RABGAP1L: variants seen among roughly 807,000 people sequenced by gnomAD.
RABGAP1L encodes RAB GTPase activating protein 1 like.
In RABGAP1L, 63 loss-of-function variants were observed where a neutral mutation model predicts 137.7. The ratio of observed to expected loss-of-function variants is 0.46; its 90% CI spans 0.37 to 0.56. The LOEUF is 0.56. Among genes scored for constraint, RABGAP1L ranks in the 20% least tolerant of loss-of-function variants. RABGAP1L has a pLI of 0.00. For missense variants in RABGAP1L, 1,095 were observed against 1,244.0 expected (o/e 0.88, Z 1.80); for synonymous variants, 431 against 433.7 (o/e 0.99, Z 0.08).
chr1:174,825,178 A>G (rs1033776299), intron 19 of RABGAP1L, among the ~76,000 whole-genome samples: 1 of 152,196 alleles, frequency 6.6e-6, no homozygotes, highest in African/African-American at 2.4e-5. Flanking sequence ...AGTCTCTTTT[A>G]AATACTCATT....
intron 20 of RABGAP1L, 174 bp downstream of exon 20, chr1:174,957,723 CTTTTTTTT>C (rs34143059): frequency 1.9e-3 from 976 of 505,816 alleles, no homozygotes; most frequent in Non-Finnish European, 1.5e-3. Flanking sequence ...AGCAAAGTAC[CTTTTTTTT>C]TTTTTTTTTT....
intron 13 of RABGAP1L, among the ~76,000 whole-genome samples, chr1:174,473,910 A>G (rs1362549668): frequency 6.6e-6 from 1 of 152,220 alleles, no homozygotes; most frequent in Non-Finnish European, 1.5e-5. Context: ...ATTAATCTAT[A>G]TCAGTTAGTT....
At chr1:174,294,398 A>T (rs556038731) in intron 10 of RABGAP1L, among the ~76,000 whole-genome samples, 1 of 152,224 alleles carries the variant, frequency 6.6e-6, no homozygotes, top group African/African-American at 2.4e-5. Context: ...GGTTAACTTC[A>T]TAAATCTCTG....
chr1:174,829,087 G>T (rs1409020766), intron 19 of RABGAP1L, among the ~76,000 whole-genome samples: 4 of 147,618 alleles, frequency 2.7e-5, no homozygotes, highest in Non-Finnish European at 4.5e-5. Flanking sequence ...TTCTCTCATT[G>T]TGAGGTCCTC....
intron 13 of RABGAP1L, among the ~76,000 whole-genome samples, chr1:174,404,337 TC>T (rs1649006580): frequency 6.6e-6 from 1 of 152,160 alleles, no homozygotes; most frequent in Admixed American, 6.5e-5. Flanking sequence ...ATGTAGTTTT[TC>T]AGCTTCCATT....
intron 19 of RABGAP1L, among the ~76,000 whole-genome samples, chr1:174,896,741 G>A (rs927167749): frequency 1.6e-4 from 25 of 152,276 alleles, no homozygotes; most frequent in Non-Finnish European, 2.9e-4. Flanking sequence ...TCAAAGATCA[G>A]ATGGTTGTAG....
At chr1:174,483,021 A>C (rs938282684) in intron 13 of RABGAP1L, among the ~76,000 whole-genome samples, 2 of 152,180 alleles carry the variant, frequency 1.3e-5, no homozygotes, top group Non-Finnish European at 2.9e-5. Context: ...TGGTAGGTCT[A>C]TATTTATGGA....
chr1:174,711,392 C>T (rs994886343), intron 17 of RABGAP1L, among the ~76,000 whole-genome samples: 2 of 152,046 alleles, frequency 1.3e-5, no homozygotes, highest in Admixed American at 6.5e-5. Context: ...TGTCACCTCT[C>T]AGAGGGAGAG....
chr1:174,701,273 T>C, intron 16 of RABGAP1L: 1 of 1,165,712 alleles, frequency 8.6e-7, no homozygotes, highest in Non-Finnish European at 1.1e-6. Context: ...TTTTATATAT[T>C]ATACCTTTGC....
chr1:174,635,786 A>T (rs2148335114), intron 13 of RABGAP1L, among the ~76,000 whole-genome samples: 1 of 152,264 alleles, frequency 6.6e-6, no homozygotes, highest in South Asian at 2.1e-4. Flanking sequence ...AGATCTAATT[A>T]CCACCCAGCA....
At chr1:174,310,940 A>C (rs1241541395) in intron 11 of RABGAP1L, among the ~76,000 whole-genome samples, 1 of 152,144 alleles carries the variant, frequency 6.6e-6, no homozygotes, top group African/African-American at 2.4e-5. Flanking sequence ...AAATTGTACA[A>C]TTAAGTTATT....
At chr1:174,487,197 C>G (rs1010187795) in intron 13 of RABGAP1L, among the ~76,000 whole-genome samples, 2 of 152,058 alleles carry the variant, frequency 1.3e-5, no homozygotes, top group African/African-American at 4.8e-5. Flanking sequence ...TCTGGAAGAT[C>G]TGTGTAATGC....
intron 13 of RABGAP1L, among the ~76,000 whole-genome samples, chr1:174,608,045 C>T (rs1449429741): frequency 6.6e-6 from 1 of 152,110 alleles, no homozygotes; most frequent in African/African-American, 2.4e-5. Context: ...AACATTCTGC[C>T]TTACAATGGA....
At chr1:174,791,107 C>T (rs963145933) in intron 18 of RABGAP1L, among the ~76,000 whole-genome samples, 1 of 151,334 alleles carries the variant, frequency 6.6e-6, no homozygotes, top group Non-Finnish European at 1.5e-5. Flanking sequence ...AGGAGAATTG[C>T]TTGAACCCAG....
intron 13 of RABGAP1L, among the ~76,000 whole-genome samples, chr1:174,442,436 T>TAGA (rs1434230616): frequency 2.6e-5 from 4 of 152,160 alleles, no homozygotes; most frequent in African/African-American, 9.6e-5. Flanking sequence ...TAATGAGAAA[T>TAGA]ACACTTTCTG....
At chr1:174,860,736 TTATAG>T (rs1450880758) in intron 19 of RABGAP1L, among the ~76,000 whole-genome samples, 1 of 152,212 alleles carries the variant, frequency 6.6e-6, no homozygotes, top group Non-Finnish European at 1.5e-5. Context: ...TCCAAAATGC[TTATAG>T]TAAAGAACAA....
rs189883710 is a variant in RABGAP1L at position 174,208,309 on chromosome 1, A to G, written c.-33-10816A>G. Among the ~76,000 whole-genome samples, 190 of 151,954 alleles carry G rather than the reference A, an allele frequency of 1.3e-3. 1 individual carries two copies. Among genetic ancestry groups the G allele is most frequent in the African/African-American group, 4.5e-3 (185 of 41,440 alleles). Reference sequence around the variant, plus strand: ...AATCTTTAGGTTTTCCACATTGACAATCATGTAATCTGTAAATAAAGACAG... The same window carrying G: ...AATCTTTAGGTTTTCCACATTGACAGTCATGTAATCTGTAAATAAAGACAG... On this transcript the variant is annotated intron_variant, in intron 1 of 25. Coordinates refer to ENST00000681986, the MANE Select transcript of RABGAP1L (RefSeq NM_001366446.1).
chr1:174,345,207 G>C (rs1682330053), intron 11 of RABGAP1L, among the ~76,000 whole-genome samples: 1 of 152,146 alleles, frequency 6.6e-6, no homozygotes, highest in South Asian at 2.1e-4. Flanking sequence ...AGTATAATTT[G>C]AAGTCAGGTA....
chr1:174,263,708 TA>T (rs1253133279), intron 7 of RABGAP1L, among the ~76,000 whole-genome samples: 1 of 152,048 alleles, frequency 6.6e-6, no homozygotes, highest in Admixed American at 6.5e-5. Context: ...ATCTTTTATT[TA>T]CTTTTTTTTT....
Sources: gnomAD v4.1 joint callset for allele counts (sites outside exome capture counted in the v4.1 genomes callset) on GRCh38, gnomAD v4.1.1 for gene constraint, MANE v1.5 for transcripts, NCBI Gene and HGNC (gene_info 2026-07-23, HGNC 2026-07-21) for gene names.